The following ZNF385D variants were observed in gnomAD, a reference collection of about 807,000 sequenced individuals.
ZNF385D encodes zinc finger protein 659.
ZNF385D carries 15 observed loss-of-function variants against 35.8 expected under a neutral mutation model. The observed-to-expected ratio is 0.42, with a 90% CI of 0.28 to 0.64. ZNF385D has a LOEUF of 0.64. Among genes scored for constraint, ZNF385D ranks in the 30% least tolerant of loss-of-function variants. The pLI is 0.23. For missense variants in ZNF385D, 474 were observed against 494.6 expected (o/e 0.96, Z 0.39); for synonymous variants, 212 against 186.8 (o/e 1.13, Z -1.10).
chr3:21,751,546 T>G, upstream of ZNF385D: 1 of 673,876 alleles, frequency 1.5e-6, no homozygotes, highest in Non-Finnish European at 1.8e-6. Flanking sequence ...TAACCTCCTC[T>G]ACCAAGTTAA....
intron 2 of ZNF385D, among the ~76,000 whole-genome samples, chr3:21,628,824 A>C (rs769825004): frequency 4.0e-4 from 61 of 152,214 alleles, no homozygotes; most frequent in Non-Finnish European, 7.1e-4. Flanking sequence ...ATAATAGCTA[A>C]ATTTCTATAG....
intron 3 of ZNF385D, among the ~76,000 whole-genome samples, chr3:22,138,987 C>A (rs1484757938): frequency 3.3e-5 from 5 of 152,088 alleles, no homozygotes; most frequent in Non-Finnish European, 7.4e-5. Context: ...AACAAACAAC[C>A]CCATCAAAAA....
At chr3:21,771,675 C>G (rs1169740128) in intron 3 of ZNF385D, among the ~76,000 whole-genome samples, 1 of 151,668 alleles carries the variant, frequency 6.6e-6, no homozygotes, top group Non-Finnish European at 1.5e-5. Flanking sequence ...TACATACAGC[C>G]AGGAAGAGCA....
chr3:21,764,734 C>T (rs1417488875), intron 3 of ZNF385D, among the ~76,000 whole-genome samples: 1 of 152,104 alleles, frequency 6.6e-6, no homozygotes, highest in African/African-American at 2.4e-5. Context: ...ATGATGGAGT[C>T]AGCATGCTGT....
chr3:21,647,167 T>G (rs2065775912), intron 2 of ZNF385D, among the ~76,000 whole-genome samples: 1 of 152,214 alleles, frequency 6.6e-6, no homozygotes, highest in South Asian at 2.1e-4. Flanking sequence ...TAAGTACTAG[T>G]ATTTTAAAGG....
chr3:21,650,838 A>G (rs2125215977), intron 2 of ZNF385D, among the ~76,000 whole-genome samples: 1 of 152,282 alleles, frequency 6.6e-6, no homozygotes, highest in Non-Finnish European at 1.5e-5. Context: ...GAAGTTATTA[A>G]GTAACACCTA....
chr3:21,729,318 T>A (rs1186465951), intron 1 of ZNF385D, among the ~76,000 whole-genome samples: 1 of 152,186 alleles, frequency 6.6e-6, no homozygotes, highest in African/African-American at 2.4e-5. Context: ...TCTTTAAATA[T>A]TGATTTGCTA....
chr3:21,564,571 T>TA lies in ZNF385D; in HGVS notation c.276+2dup. 1 of 1,519,700 alleles carries TA rather than the reference T, an allele frequency of 6.6e-7. No homozygotes were observed. Among genetic ancestry groups the TA allele is most frequent in the Non-Finnish European group, 8.9e-7 (1 of 1,128,942 alleles). 94.1% of individuals were successfully genotyped at this position (1,519,700 alleles called of 1,614,324 possible). A position where few individuals can be genotyped will look rare whatever the true frequency, so the allele number is the denominator to read the frequency against. On this transcript the variant is annotated splice_region_variant and intron_variant, in intron 3 of 7. Transcript: ENST00000281523. ...TTAAGTGAACACTAAATGATAAACT[T>TA]ACATCAGAATTAAATCTCAACTGGC...
intron 2 of ZNF385D, among the ~76,000 whole-genome samples, chr3:21,609,880 A>C (rs918135811): frequency 6.6e-6 from 1 of 152,150 alleles, no homozygotes. Flanking sequence ...TAAAAACTAA[A>C]AGGAAAAGAG....
chr3:22,226,841 TCCTA>T (rs1359134590), intron 2 of ZNF385D, among the ~76,000 whole-genome samples: 1 of 152,290 alleles, frequency 6.6e-6, no homozygotes, highest in African/African-American at 2.4e-5. Flanking sequence ...AGGTTGATTT[TCCTA>T]CCTAATGTTG....
At chr3:21,825,174 GA>G (rs1023193617) in intron 3 of ZNF385D, among the ~76,000 whole-genome samples, 2 of 152,122 alleles carry the variant, frequency 1.3e-5, no homozygotes, top group South Asian at 2.1e-4. Flanking sequence ...ACGCAAACCA[GA>G]AAAAAATTCT....
At chr3:21,842,597 T>C (rs1695749875) in intron 3 of ZNF385D, among the ~76,000 whole-genome samples, 1 of 152,004 alleles carries the variant, frequency 6.6e-6, no homozygotes, top group Non-Finnish European at 1.5e-5. Context: ...GGATGGTTGT[T>C]TACATACTGG....
At chr3:21,745,863 C>T (rs1344124549) in intron 1 of ZNF385D, among the ~76,000 whole-genome samples, 2 of 152,084 alleles carry the variant, frequency 1.3e-5, no homozygotes, top group African/African-American at 2.4e-5. Flanking sequence ...TTTTTAAAAC[C>T]TCTAATGTAT....
At chr3:22,145,021 TG>T in intron 3 of ZNF385D, among the ~76,000 whole-genome samples, 1 of 151,792 alleles carries the variant, frequency 6.6e-6, no homozygotes, top group South Asian at 2.1e-4. Context: ...TGTGTGTGTG[TG>T]TGTGTGTGTG....
At chr3:21,883,937 C>G (rs1047811999) in intron 3 of ZNF385D, among the ~76,000 whole-genome samples, 1 of 151,940 alleles carries the variant, frequency 6.6e-6, no homozygotes, top group Non-Finnish European at 1.5e-5. Flanking sequence ...TCTACTAAGT[C>G]GAATTTCTTG....
At chr3:22,001,306 T>C (rs763252075) in intron 3 of ZNF385D, among the ~76,000 whole-genome samples, 1 of 130,734 alleles carries the variant, frequency 7.6e-6, no homozygotes, top group Non-Finnish European at 1.6e-5. Flanking sequence ...AGATATTCCA[T>C]GCAAATGGAA....
intron 3 of ZNF385D, among the ~76,000 whole-genome samples, chr3:22,167,479 CT>C (rs1559422860): frequency 6.6e-6 from 1 of 152,224 alleles, no homozygotes; most frequent in African/African-American, 2.4e-5. Flanking sequence ...ACCCTTCTCA[CT>C]CTTCGTTTGT....
At chr3:22,132,933 ACT>A (rs771292075) in intron 3 of ZNF385D, among the ~76,000 whole-genome samples, 1 of 152,128 alleles carries the variant, frequency 6.6e-6, no homozygotes, top group Non-Finnish European at 1.5e-5. Context: ...TGAAAATGTA[ACT>A]CAAAAGATTC....
intron 3 of ZNF385D, among the ~76,000 whole-genome samples, chr3:22,027,521 G>C (rs922684759): frequency 1.3e-5 from 2 of 152,174 alleles, no homozygotes; most frequent in African/African-American, 4.8e-5. Flanking sequence ...ATCTTCTGCA[G>C]ATAACTACTC....
Sources: allele counts gnomAD v4.1 joint callset (sites outside exome capture counted in the v4.1 genomes callset), GRCh38; gene constraint gnomAD v4.1.1; transcripts MANE v1.5; gene names NCBI Gene and HGNC (gene_info 2026-07-23, HGNC 2026-07-21).